The following AP5M1 variants were observed in gnomAD, a reference collection of about 807,000 sequenced individuals.
The protein encoded by AP5M1 is AP-5 complex subunit mu-1.
Under a neutral mutation model 52.3 loss-of-function variants are expected in AP5M1, and 44 were observed. The ratio of observed to expected loss-of-function variants is 0.84; its 90% CI spans 0.66 to 1.08. The LOEUF is 1.08. Among genes scored for constraint, AP5M1 ranks in the 50% least tolerant of loss-of-function variants. The pLI, the probability that AP5M1 is intolerant of heterozygous loss-of-function variation, is 0.00. For missense variants in AP5M1, 526 were observed against 568.4 expected (o/e 0.93, Z 0.76); for synonymous variants, 213 against 199.0 (o/e 1.07, Z -0.59).
rs150326144 is a variant in AP5M1, at chr14:57,269,536, A to G, written c.74+148A>G. 15 of 695,114 alleles carry G rather than the reference A, an allele frequency of 2.2e-5. No homozygotes were observed. In the East Asian group the frequency reaches 3.8e-4, roughly 18 times the overall value. 43.1% of individuals were successfully genotyped at this position (695,114 alleles called of 1,614,324 possible). A position where few individuals can be genotyped will look rare whatever the true frequency, so the allele number is the denominator to read the frequency against. On this transcript the variant is annotated intron_variant, in intron 1 of 7. Coordinates refer to ENST00000261558, the MANE Select transcript of AP5M1 (RefSeq NM_018229.4). ...AACAGACCTCTGTTTCGTCTGTTAAATGGAGATTTTAATAGTCCTACCTTA... is the reference window on the plus strand; with the variant it reads ...AACAGACCTCTGTTTCGTCTGTTAAGTGGAGATTTTAATAGTCCTACCTTA...
chr14:57,293,463 G>A lies in AP5M1; in HGVS notation c.*4579G>A, dbSNP rs1272192070. 2.6e-5 allele frequency: 4 copies of A among 151,548 alleles called. No individual in the cohort carries two copies. The highest frequency in any genetic ancestry group is 2.1e-4 in the South Asian group (1 of 4,832). The allele number at this position is 151,548 out of a possible 1,614,324, so 9.4% of individuals were successfully genotyped here. A position where few individuals can be genotyped will look rare whatever the true frequency, so the allele number is the denominator to read the frequency against. ...TCAAAGAAGTGCATACCTAACTTAC[G>A]TTTGTGCCAAGCCAGCCTCCTCTAG... On this transcript the variant is annotated 3_prime_UTR_variant, in exon 8 of 8. Transcript: ENST00000261558.
rs1000530734 is a variant in AP5M1, at chr14:57,294,299, T to G, written c.*5415T>G. 6.6e-6 allele frequency: 1 copy of G among 151,880 alleles called. No homozygotes were observed. The highest frequency in any genetic ancestry group is 2.4e-5 in the African/African-American group (1 of 41,410). 9.4% of individuals were successfully genotyped at this position (151,880 alleles called of 1,614,324 possible). A position where few individuals can be genotyped will look rare whatever the true frequency, so the allele number is the denominator to read the frequency against. ...CTTCTAATCTGTTGAACATTTAAAG[T>G]CAAAACTACATGTTTCCTTTAAATG... is the stretch of plus-strand genomic sequence containing the variant. On this transcript the variant is annotated 3_prime_UTR_variant, in exon 8 of 8. Transcript: ENST00000261558.
chr14:57,274,214 A>G (rs1405198491), intron 1 of AP5M1, 30 bp from the exon 2 acceptor site: 1 of 1,537,014 alleles, frequency 6.5e-7, no homozygotes, highest in Non-Finnish European at 8.7e-7. Flanking sequence ...TGGAAGAATC[A>G]TTTATAATGT....
Position 57,289,367 on chromosome 14 carries a change from G to T in AP5M1, c.*483G>T, listed in dbSNP as rs374627016. ...CTAAGTACTAAGCTCCTAGTATAAG[G>T]TGTTGTTACAGAATACCAGAGACCA... On this transcript the variant is annotated 3_prime_UTR_variant, in exon 8 of 8. Transcript: ENST00000261558. The T allele has an allele frequency of 6.6e-6, 1 of 152,170 alleles. No homozygotes were observed. Among genetic ancestry groups the T allele is most frequent in the South Asian group, 2.1e-4 (1 of 4,834 alleles). The allele number at this position is 152,170 out of a possible 1,614,324, so 9.4% of individuals were successfully genotyped here. A position where few individuals can be genotyped will look rare whatever the true frequency, so the allele number is the denominator to read the frequency against.
In AP5M1 at chr14:57,289,481, C is replaced by T. The variant is rs1044537399; in HGVS notation, c.*597C>T. 2 of 151,790 alleles carry T rather than the reference C, an allele frequency of 1.3e-5. No individual in the cohort carries two copies. Among genetic ancestry groups the T allele is most frequent in the South Asian group, 2.1e-4 (1 of 4,824 alleles). 9.4% of individuals were successfully genotyped at this position (151,790 alleles called of 1,614,324 possible). On this transcript the variant is annotated 3_prime_UTR_variant, in exon 8 of 8. Coordinates refer to ENST00000261558, the MANE Select transcript of AP5M1 (RefSeq NM_018229.4). ...AGTAAGCTGTTCTTCTTAATCAGAA[C>T]TATCCTATTGACTAATAAATAATCT...
chr14:57,292,293 C>T lies in AP5M1; in HGVS notation c.*3409C>T, dbSNP rs1456803562. 1 of 151,852 alleles carries T rather than the reference C, an allele frequency of 6.6e-6. No homozygotes were observed. The highest frequency in any genetic ancestry group is 2.4e-5 in the African/African-American group (1 of 41,396). 9.4% of individuals were successfully genotyped at this position (151,852 alleles called of 1,614,324 possible). On this transcript the variant is annotated 3_prime_UTR_variant, in exon 8 of 8. Transcript: ENST00000261558. ...ATGACAGGTTTATTCAGCAAGGATT[C>T]AGTTGGTGATTAATCCCCCTTTGAT...
At chr14:57,272,601 T>C (rs1461335239) in intron 1 of AP5M1, among the ~76,000 whole-genome samples, 1 of 152,208 alleles carries the variant, frequency 6.6e-6, no homozygotes, top group Non-Finnish European at 1.5e-5. Flanking sequence ...ATTGGGGTGT[T>C]GTGTAAGTTC....
chr14:57,269,041 G>A lies in AP5M1; in HGVS notation c.-274G>A, dbSNP rs1884802535. Reference sequence around the variant, plus strand: ...ACCATTCCGGAAGTAGAATTTAGAGGAAGAAAATACCGGAGTTGCAGGGTA... The same window carrying A: ...ACCATTCCGGAAGTAGAATTTAGAGAAAGAAAATACCGGAGTTGCAGGGTA... On this transcript the variant is annotated 5_prime_UTR_variant, in exon 1 of 8. Transcript: ENST00000261558. 1.8e-6 allele frequency: 1 copy of A among 553,836 alleles called. No homozygotes were observed. The highest frequency in any genetic ancestry group is 1.9e-5 in the African/African-American group (1 of 51,826). 34.3% of individuals were successfully genotyped at this position (553,836 alleles called of 1,614,324 possible). A position where few individuals can be genotyped will look rare whatever the true frequency, so the allele number is the denominator to read the frequency against.
rs1020123291 is a variant in AP5M1, at chr14:57,292,481, C to G, written c.*3597C>G. 3.3e-5 allele frequency: 5 copies of G among 151,818 alleles called. No homozygotes were observed. The highest frequency in any genetic ancestry group is 1.2e-4 in the African/African-American group (5 of 41,378). The allele number at this position is 151,818 out of a possible 1,614,324, so 9.4% of individuals were successfully genotyped here. A position where few individuals can be genotyped will look rare whatever the true frequency, so the allele number is the denominator to read the frequency against. Reference sequence around the variant, plus strand: ...TTTCAGTATTTGAAGATGTAAAGTCCTGTCTGCTAAGTTAGAAAGTCAATT... The same window carrying G: ...TTTCAGTATTTGAAGATGTAAAGTCGTGTCTGCTAAGTTAGAAAGTCAATT... On this transcript the variant is annotated 3_prime_UTR_variant, in exon 8 of 8. Coordinates refer to ENST00000261558, the MANE Select transcript of AP5M1 (RefSeq NM_018229.4).
chr14:57,284,833 A>G (rs1302774042), intron 6 of AP5M1, among the ~76,000 whole-genome samples: 1 of 152,150 alleles, frequency 6.6e-6, no homozygotes, highest in African/African-American at 2.4e-5. Flanking sequence ...TAAATTATTG[A>G]TATGGAGAAA....
chr14:57,285,508 T>C (rs1885284763), intron 6 of AP5M1, among the ~76,000 whole-genome samples: 1 of 152,162 alleles, frequency 6.6e-6, no homozygotes, highest in African/African-American at 2.4e-5. Context: ...CAACAGCCTT[T>C]TATTATCAGA....
Position 57,273,633 on chromosome 14 carries a change from T to C in AP5M1, c.75-611T>C, listed in dbSNP as rs944797189. ...CAAAAACATTCTGATTTTATTCTTT[T>C]TTATTATCTAAAAGTATCTTCCAGG... On this transcript the variant is annotated intron_variant, in intron 1 of 7. Coordinates refer to ENST00000261558, the MANE Select transcript of AP5M1 (RefSeq NM_018229.4). 9.1e-6 allele frequency: 6 copies of C among 660,132 alleles called. No individual in the cohort carries two copies. In the African/African-American group the frequency reaches 1.1e-4, roughly 12 times the overall value. 40.9% of individuals were successfully genotyped at this position (660,132 alleles called of 1,614,324 possible). A position where few individuals can be genotyped will look rare whatever the true frequency, so the allele number is the denominator to read the frequency against.
intron 7 of AP5M1, among the ~76,000 whole-genome samples, chr14:57,288,042 T>C (rs1013227481): frequency 1.3e-5 from 2 of 152,088 alleles, no homozygotes; most frequent in African/African-American, 4.8e-5. Context: ...GTATGCTGTC[T>C]TGCCTCTCAT....
chr14:57,279,260 T>A (rs1211003230), intron 2 of AP5M1, among the ~76,000 whole-genome samples: 2 of 152,080 alleles, frequency 1.3e-5, no homozygotes, highest in African/African-American at 4.8e-5. Flanking sequence ...TTCACAATAG[T>A]AAAGACATGG....
chr14:57,289,032 C>G lies in AP5M1; in HGVS notation c.*148C>G. 1 of 484,998 alleles carries G rather than the reference C, an allele frequency of 2.1e-6. No homozygotes were observed. The highest frequency in any genetic ancestry group is 3.6e-6 in the Non-Finnish European group (1 of 275,446). 30.0% of individuals were successfully genotyped at this position (484,998 alleles called of 1,614,324 possible). A position where few individuals can be genotyped will look rare whatever the true frequency, so the allele number is the denominator to read the frequency against. ...AGTAGTCTTATGTGGTGTTTGTAGT[C>G]TGATAGAGCTTGAAAGGACATTTTA... On this transcript the variant is annotated 3_prime_UTR_variant, in exon 8 of 8. Coordinates refer to ENST00000261558, the MANE Select transcript of AP5M1 (RefSeq NM_018229.4).
intron 3 of AP5M1, among the ~76,000 whole-genome samples, chr14:57,281,732 G>A (rs943418171): frequency 6.6e-6 from 1 of 152,250 alleles, no homozygotes; most frequent in Non-Finnish European, 1.5e-5. Flanking sequence ...TGAACGATGG[G>A]ATTGGAGAAC....
rs367658426 is a variant in AP5M1, at chr14:57,288,894, G to A, written c.*10G>A. 7.0e-7 allele frequency: 1 copy of A among 1,421,008 alleles called. No individual in the cohort carries two copies. The highest frequency in any genetic ancestry group is 1.4e-5 in the African/African-American group (1 of 69,878). 88.0% of individuals were successfully genotyped at this position (1,421,008 alleles called of 1,614,324 possible). ...ATCATTATTATTGTAATAGTCTCAT[G>A]TTTAAATGGGATTATATAATGATAA... On this transcript the variant is annotated 3_prime_UTR_variant, in exon 8 of 8. Transcript: ENST00000261558.
chr14:57,269,346 A>G lies in AP5M1; in HGVS notation c.32A>G (p.His11Arg). The change falls in exon 1 of 8, where the codon CAC (histidine) becomes CGC (arginine). Residue 11 changes from histidine to arginine, a missense_variant. His to Arg is a conservative substitution (Grantham distance 29). Coordinates refer to ENST00000261558, the MANE Select transcript of AP5M1 (RefSeq NM_018229.4). ...CAGCGGGCAGTGTGGCTCATAAGCC[A>G]CGAACCGGGAACTCCACTTTGTGGC... MAQRAVWLIS[H>R]EPGTPLCGTV... The G allele has an allele frequency of 6.2e-7, 1 of 1,614,160 alleles. No homozygotes were observed. The highest frequency in any genetic ancestry group is 8.5e-7 in the Non-Finnish European group (1 of 1,180,022).
At chr14:57,275,211 A>G in intron 2 of AP5M1, 4 of 352,634 alleles carry the variant, frequency 1.1e-5, no homozygotes, top group South Asian at 7.5e-5. Context: ...AGTTGAGGCT[A>G]TAGTCATCTG....
Sources: allele counts gnomAD v4.1 joint callset (sites outside exome capture counted in the v4.1 genomes callset), GRCh38; gene constraint gnomAD v4.1.1; transcripts MANE v1.5; gene names NCBI Gene and HGNC (gene_info 2026-07-23, HGNC 2026-07-21).